Variants in MEIOB observed in about 807,000 individuals in gnomAD.
The protein encoded by MEIOB is meiosis specific with OB-fold.
MEIOB carries 50 observed loss-of-function variants against 53.1 expected under a neutral mutation model. The ratio of observed to expected loss-of-function variants is 0.94; its 90% CI spans 0.75 to 1.19. The LOEUF (loss-of-function observed/expected upper bound fraction) is 1.19, where lower values mean the gene tolerates loss of function less well. Ranked by LOEUF, MEIOB falls within the 50% of genes most tolerant of loss-of-function variation. The probability of loss-of-function intolerance (pLI) is 0.00; values close to 1 mark genes in which losing one functional copy is unlikely to be tolerated. For missense variants in MEIOB, 551 were observed against 550.8 expected (o/e 1.00, Z 0.00); for synonymous variants, 192 against 182.5 (o/e 1.05, Z -0.42).
At chr16:1,856,759 CTTTTTT>C (rs3045430) in intron 6 of MEIOB, among the ~76,000 whole-genome samples, 5 of 84,200 alleles carry the variant, frequency 5.9e-5, no homozygotes, top group African/African-American at 1.6e-4. Context: ...CACGCCAGGC[CTTTTTT>C]TTTTTTTTTT....
intron 12 of MEIOB, chr16:1,838,237 T>TG (rs1248979064): frequency 7.2e-6 from 3 of 418,664 alleles, no homozygotes; most frequent in African/African-American, 6.1e-5. Context: ...TGGCCTCAAG[T>TG]GATCCTCCTG....
At chr16:1,853,014 T>A (rs752987815) in intron 9 of MEIOB, 25 bp downstream of exon 9, 6 of 1,395,536 alleles carry the variant, frequency 4.3e-6, no homozygotes, top group Non-Finnish European at 6.1e-6. Flanking sequence ...TCCAAAGGGA[T>A]AAAAGGTTTC....
At chr16:1,836,300 C>G (rs1297692251) in intron 13 of MEIOB, among the ~76,000 whole-genome samples, 1 of 152,202 alleles carries the variant, frequency 6.6e-6, no homozygotes, top group East Asian at 1.9e-4. Context: ...CCTGGAACAT[C>G]TGTTACACAC....
intron 5 of MEIOB, among the ~76,000 whole-genome samples, chr16:1,859,752 C>A (rs1899397655): frequency 6.6e-6 from 1 of 152,046 alleles, no homozygotes; most frequent in Admixed American, 6.5e-5. Flanking sequence ...CACCAAGAGC[C>A]CTTTACAGGC....
At chr16:1,868,253 A>G in intron 1 of MEIOB, 69 bp from the exon 2 acceptor site, 1 of 909,278 alleles carries the variant, frequency 1.1e-6, no homozygotes, top group Non-Finnish European at 1.7e-6. Context: ...AAAAAATTCC[A>G]AGAGTTTAAA....
intron 1 of MEIOB, 122 bp from the exon 2 acceptor site, chr16:1,868,306 C>G: frequency 2.0e-6 from 1 of 498,672 alleles, no homozygotes; most frequent in Non-Finnish European, 3.7e-6. Flanking sequence ...CCTGTAATCC[C>G]AGCACTTTGG....
At chr16:1,870,391 G>A (rs954153320) in intron 1 of MEIOB, among the ~76,000 whole-genome samples, 8 of 152,250 alleles carry the variant, frequency 5.3e-5, no homozygotes, top group African/African-American at 1.9e-4. Flanking sequence ...TTATAATCCA[G>A]GGCCTCTTTA....
In MEIOB at chr16:1,872,095, T is replaced by A. The variant is rs1250852363; in HGVS notation, c.-112A>T. On this transcript the variant is annotated 5_prime_UTR_variant, in exon 1 of 14. Coordinates refer to ENST00000325962, the MANE Select transcript of MEIOB (RefSeq NM_001163560.3). ...CCCGGGTCGCCCGCGCTTCGCGGCTTCTCCACAGGACGCTCGGGCCACAGC... is the reference window on the plus strand; with the variant it reads ...CCCGGGTCGCCCGCGCTTCGCGGCTACTCCACAGGACGCTCGGGCCACAGC... 1 of 151,628 alleles carries A rather than the reference T, an allele frequency of 6.6e-6. No individual in the cohort carries two copies. The highest frequency in any genetic ancestry group is 2.0e-4 in the East Asian group (1 of 5,008). The allele number at this position is 151,628 out of a possible 1,614,324, so 9.4% of individuals were successfully genotyped here.
chr16:1,845,073 C>T (rs1461021648), intron 9 of MEIOB, 110 bp from the exon 10 acceptor site: 1 of 584,826 alleles, frequency 1.7e-6, no homozygotes, highest in African/African-American at 1.9e-5. Flanking sequence ...TGTAAGAATA[C>T]AATCAAATAG....
intron 12 of MEIOB, 90 bp downstream of exon 12, chr16:1,839,165 T>C (rs1367111567): frequency 1.4e-6 from 2 of 1,405,384 alleles, no homozygotes; most frequent in East Asian, 5.0e-5. Flanking sequence ...TCAATTTCTA[T>C]CAAATGTTTG....
At chr16:1,840,731 T>C (rs991162307) in intron 11 of MEIOB, among the ~76,000 whole-genome samples, 1 of 151,964 alleles carries the variant, frequency 6.6e-6, no homozygotes, top group African/African-American at 2.4e-5. Context: ...TTGTATTTTT[T>C]AGTAGAGACA....
At chr16:1,861,942 TA>T in intron 4 of MEIOB, 42 bp downstream of exon 4, 1 of 1,530,458 alleles carries the variant, frequency 6.5e-7, no homozygotes, top group South Asian at 1.2e-5. Context: ...ACCACAGGAA[TA>T]ACACTATGAT....
At chr16:1,868,231 A>T in intron 1 of MEIOB, 47 bp from the exon 2 acceptor site, 3 of 1,021,648 alleles carry the variant, frequency 2.9e-6, no homozygotes, top group Non-Finnish European at 4.4e-6. Context: ...GAATAAATGA[A>T]ATAAATCATT....
chr16:1,865,783 C>T lies in MEIOB; in HGVS notation c.122G>A (p.Arg41Lys). 1.3e-6 allele frequency: 2 copies of T among 1,547,460 alleles called. No homozygotes were observed. Among genetic ancestry groups the T allele is most frequent in the Non-Finnish European group, 1.7e-6 (2 of 1,145,670 alleles). ...GKTDVKGFPD[R>K]KNIGSERYTF... is the part of the protein sequence containing the mutation. ...AGAGTTAAACAGAACTCAGCTTTTTCTGTCTGGAAAGCCTTTGACATCTGT... is the reference window on the plus strand; with the variant it reads ...AGAGTTAAACAGAACTCAGCTTTTTTTGTCTGGAAAGCCTTTGACATCTGT... The change falls in exon 3 of 14, where the codon AGA becomes AAA. Residue 41 changes from arginine to lysine, a missense_variant. Arg to Lys is a conservative substitution (Grantham distance 26, BLOSUM62 2). Coordinates refer to ENST00000325962, the MANE Select transcript of MEIOB (RefSeq NM_001163560.3).
intron 6 of MEIOB, among the ~76,000 whole-genome samples, chr16:1,855,779 C>A (rs1174927674): frequency 6.6e-6 from 1 of 152,196 alleles, no homozygotes; most frequent in Non-Finnish European, 1.5e-5. Context: ...TTCCTTCTCC[C>A]TAAAGTATAC....
intron 6 of MEIOB, among the ~76,000 whole-genome samples, chr16:1,855,761 C>T (rs1899284199): frequency 1.3e-5 from 2 of 152,156 alleles, no homozygotes; most frequent in South Asian, 2.1e-4. Context: ...GATCATATAG[C>T]GGGCTTATTC....
chr16:1,865,807 G>T lies in MEIOB; in HGVS notation c.98C>A (p.Thr33Lys). 1 of 1,548,788 alleles carries T rather than the reference G, an allele frequency of 6.5e-7. No individual in the cohort carries two copies. Among genetic ancestry groups the T allele is most frequent in the Non-Finnish European group, 8.7e-7 (1 of 1,146,200 alleles). ...LKVIGIVIGK[T>K]DVKGFPDRKN... ...TCTGTCTGGAAAGCCTTTGACATCT[G>T]TTTTCCCAATAACTATACCGATAAC... The change falls in exon 3 of 14, where the codon ACA (threonine) becomes AAA (lysine). Residue 33 changes from threonine (T) to lysine (K), a missense_variant. Coordinates refer to ENST00000325962, the MANE Select transcript of MEIOB (RefSeq NM_001163560.3).
At chr16:1,846,160 C>T (rs753217684) in intron 9 of MEIOB, among the ~76,000 whole-genome samples, 12 of 152,090 alleles carry the variant, frequency 7.9e-5, no homozygotes, top group African/African-American at 2.2e-4. Flanking sequence ...AGGTCATGGG[C>T]GAATGAATGA....
rs1204439939 is a variant in MEIOB at position 1,860,399 on chromosome 16, T to C, written c.332+4A>G. On this transcript the variant is annotated splice_donor_region_variant and intron_variant, in intron 5 of 13. Coordinates refer to ENST00000325962, the MANE Select transcript of MEIOB (RefSeq NM_001163560.3). Reference sequence around the variant, plus strand: ...CACAATCTCTGTGCTAGACAGATGCTTACCTAGGAGTTGCAGGGCTGAATT... The same window carrying C: ...CACAATCTCTGTGCTAGACAGATGCCTACCTAGGAGTTGCAGGGCTGAATT... The C allele has an allele frequency of 2.0e-6, 3 of 1,493,608 alleles. No homozygotes were observed. The highest frequency in any genetic ancestry group is 2.5e-5 in the East Asian group (1 of 40,594). The allele number at this position is 1,493,608 out of a possible 1,614,324, so 92.5% of individuals were successfully genotyped here.
Sources: allele counts gnomAD v4.1 joint callset (sites outside exome capture counted in the v4.1 genomes callset), GRCh38; gene constraint gnomAD v4.1.1; transcripts MANE v1.5; gene names NCBI Gene and HGNC (gene_info 2026-07-23, HGNC 2026-07-21).